The following GPR132 variants were observed in gnomAD, a reference collection of about 807,000 sequenced individuals.
GPR132 encodes probable G protein-coupled receptor 132.
In GPR132, 4 loss-of-function variants were observed where a neutral mutation model predicts 1.9. The ratio of observed to expected loss-of-function variants is 2.13; its 90% CI spans 1.05 to 4.87. The LOEUF (loss-of-function observed/expected upper bound fraction) is 4.87, where lower values mean the gene tolerates loss of function less well. Ranked by LOEUF, GPR132 falls within the 30% of genes most tolerant of loss-of-function variation. The pLI is 0.01. For synonymous variants in GPR132, 233 were observed against 234.2 expected (o/e 0.99, Z 0.05); for missense variants, 404 against 512.5 (o/e 0.79, Z 2.04).
chr14:105,056,691 G>A lies in GPR132; in HGVS notation c.-747+476C>T, dbSNP rs1009470362. On this transcript the variant is annotated intron_variant, in intron 2 of 3. Transcript: ENST00000329797. The surrounding 1 kb of genome is among the most constrained non-coding windows in gnomAD (Gnocchi z 6.0). ...ACCTTCACCTCTGGACACCAGGTCC[G>A]TGGTGTCTGTGGCTCTGTGCCCATC... 4.6e-5 allele frequency among the ~76,000 whole-genome samples: 7 copies of A among 152,220 alleles called. No individual in the cohort carries two copies. Among genetic ancestry groups the A allele is most frequent in the African/African-American group, 1.2e-4 (5 of 41,454 alleles).
chr14:105,063,179 C>T lies in GPR132; in HGVS notation c.-861+2200G>A, dbSNP rs538681154. ...CAAGAAATCCGCCGGCCTCGGTCTC[C>T]GAAAGTGCTGGGAATACAGGCGTGA... On this transcript the variant is annotated intron_variant, in intron 1 of 3. Transcript: ENST00000329797. Among the ~76,000 whole-genome samples the T allele has an allele frequency of 2.8e-4, 43 of 152,280 alleles. 1 individual carries two copies. In the East Asian group the frequency reaches 7.7e-3, roughly 27 times the overall value.
rs939363734 is a variant in GPR132, at chr14:105,060,309, G to A, written c.-860-3029C>T. On this transcript the variant is annotated intron_variant, in intron 1 of 3. Transcript: ENST00000329797. The surrounding 1 kb of genome is among the most constrained non-coding windows in gnomAD (Gnocchi z 6.3). ...TCAGTAGGTGAGGAAGCAGTGAGCC[G>A]GAACCAGGAGGGCCAAGGAAGGCAG... Among the ~76,000 whole-genome samples the A allele has an allele frequency of 5.9e-5, 9 of 152,206 alleles. No individual in the cohort carries two copies. The highest frequency in any genetic ancestry group is 2.6e-4 in the Admixed American group (4 of 15,282).
chr14:105,053,484 G>C (rs949542110), intron 3 of GPR132, among the ~76,000 whole-genome samples: 47 of 152,106 alleles, frequency 3.1e-4, no homozygotes, highest in African/African-American at 1.1e-3. Flanking sequence ...CCACATATTT[G>C]CCTGTGTGAA....
Position 105,051,679 on chromosome 14 carries a change from C to T in GPR132, c.458G>A (p.Arg153His), listed in dbSNP as rs758777311. Residue 153 changes from arginine (R) to histidine (H), a missense_variant, in exon 4 of 4, where the codon CGC becomes CAC. Arg to His is a conservative substitution (Grantham distance 29, BLOSUM62 0). Transcript: ENST00000329797. This position sits in a 1 kb window ranked among gnomAD's most constrained non-coding sequence, Gnocchi z 8.0. Reference protein sequence around the residue: ...AVVYALESRGRRRRRTAILIS... With the variant: ...AVVYALESRGHRRRRTAILIS... ...GAGGATGGCGGTCCTCCGGCGGCGG[C>T]GGCCCCGACTCTCCAGCGCGTACAC... 21 of 1,613,564 alleles carry T rather than the reference C, an allele frequency of 1.3e-5. No individual in the cohort carries two copies. In the East Asian group the frequency reaches 1.6e-4, roughly 12 times the overall value.
At position 105,051,337 on chromosome 14, in the gene GPR132, G is replaced by C. The variant is rs144646218; in HGVS notation, c.800C>G (p.Ala267Gly). The change falls in exon 4 of 4, where the codon GCT (alanine) becomes GGT (glycine). Residue 267 changes from alanine to glycine, a missense_variant. Ala to Gly is a moderately conservative substitution (Grantham distance 60, BLOSUM62 0). Coordinates refer to ENST00000329797, the MANE Select transcript of GPR132 (RefSeq NM_013345.4). This position sits in a 1 kb window ranked among gnomAD's most constrained non-coding sequence, Gnocchi z 8.0. Reference protein sequence around the residue: ...PYHLVLLVKAAAFSYYRGDRN... With the variant: ...PYHLVLLVKAGAFSYYRGDRN... The stretch of plus-strand genomic sequence containing the variant: ...GTCTCCTCTGTAGTAGGAAAAGGCA[G>C]CGGCTTTGACGAGGAGAACCAGGTG... 8.0e-5 allele frequency: 129 copies of C among 1,614,044 alleles called. No individual in the cohort carries two copies. Among genetic ancestry groups the C allele is most frequent in the East Asian group, 7.4e-4 (33 of 44,878 alleles).
chr14:105,057,511 CTTTTT>C (rs11299805), intron 1 of GPR132: 19 of 88,578 alleles, frequency 2.1e-4, no homozygotes, highest in South Asian at 1.0e-3. Flanking sequence ...ACATACGATT[CTTTTT>C]TTTTTTTTTT....
In GPR132 at chr14:105,056,881, T is replaced by A. The variant is rs558611926; in HGVS notation, c.-747+286A>T. On this transcript the variant is annotated intron_variant, in intron 2 of 3. Transcript: ENST00000329797. This position sits in a 1 kb window ranked among gnomAD's most constrained non-coding sequence, Gnocchi z 6.0. The stretch of plus-strand genomic sequence containing the variant: ...TGGCCCAGACCGTGCAGGGCTCCCC[T>A]GGGACCTGTGGGACAGCCCCCTGAC... Among the ~76,000 whole-genome samples the A allele has an allele frequency of 1.5e-3, 224 of 152,354 alleles. 2 individuals carry two copies. Among genetic ancestry groups the A allele is most frequent in the African/African-American group, 3.8e-3 (157 of 41,580 alleles).
At chr14:105,057,479 C>A in intron 1 of GPR132, 199 bp from the exon 2 acceptor site, 1 of 340,434 alleles carries the variant, frequency 2.9e-6, no homozygotes, top group Non-Finnish European at 5.4e-6. Flanking sequence ...GGCATCAAAA[C>A]GTCACATTAG....
At chr14:105,054,881 A>G (rs1330623580) in intron 3 of GPR132, among the ~76,000 whole-genome samples, 2 of 151,490 alleles carry the variant, frequency 1.3e-5, no homozygotes, top group East Asian at 3.9e-4. Flanking sequence ...CTCTACTAAA[A>G]ATACAAAAAT....
chr14:105,055,581 C>T lies in GPR132; in HGVS notation c.-161G>A. The T allele has an allele frequency of 2.9e-6, 2 of 685,676 alleles. No homozygotes were observed. Among genetic ancestry groups the T allele is most frequent in the East Asian group, 2.6e-5 (1 of 38,480 alleles). 42.5% of individuals were successfully genotyped at this position (685,676 alleles called of 1,614,324 possible). ...GCGCTGGGCTCCCCTGTCACCTCCC[C>T]ACGTGGGTGGGCATCTCTGCGTGTC... On this transcript the variant is annotated 5_prime_UTR_variant, in exon 3 of 4. Coordinates refer to ENST00000329797, the MANE Select transcript of GPR132 (RefSeq NM_013345.4). The surrounding 1 kb of genome is among the most constrained non-coding windows in gnomAD (Gnocchi z 4.7).
intron 3 of GPR132, among the ~76,000 whole-genome samples, chr14:105,054,706 C>A (rs575137809): frequency 6.7e-6 from 1 of 148,806 alleles, no homozygotes. Flanking sequence ...GCTGGGATTA[C>A]AGGTGTGAGC....
rs1307957053 is a variant in GPR132 at position 105,060,221 on chromosome 14, G to A, written c.-860-2941C>T. On this transcript the variant is annotated intron_variant, in intron 1 of 3. Coordinates refer to ENST00000329797, the MANE Select transcript of GPR132 (RefSeq NM_013345.4). The surrounding 1 kb of genome is among the most constrained non-coding windows in gnomAD (Gnocchi z 6.3). ...CGTGTGGCCCTGTCGTCTGGCTGCT[G>A]CGCCCAGCTCCAAGGCCCAGCAAGA... 6.6e-6 allele frequency among the ~76,000 whole-genome samples: 1 copy of A among 152,228 alleles called. No homozygotes were observed. Among genetic ancestry groups the A allele is most frequent in the Non-Finnish European group, 1.5e-5 (1 of 68,038 alleles).
intron 3 of GPR132, among the ~76,000 whole-genome samples, chr14:105,053,538 G>A (rs1197802628): frequency 6.6e-6 from 1 of 152,152 alleles, no homozygotes; most frequent in Non-Finnish European, 1.5e-5. Flanking sequence ...CTGTGGGAGT[G>A]GTGGATTTGT....
Position 105,051,429 on chromosome 14 carries a change from C to T in GPR132, c.708G>A (p.Gln236=). ...TGGCCGAGTGCTTCACCTTGGCCTT[C>T]TGGGCAGCGCTTAAGCCCATGCTCT... The part of the protein sequence containing the change: ...IKQSMGLSAA[Q]KAKVKHSAIA... Residue 236 remains glutamine, a synonymous_variant, in exon 4 of 4, where the codon CAG becomes CAA. Transcript: ENST00000329797. The surrounding 1 kb of genome is among the most constrained non-coding windows in gnomAD (Gnocchi z 8.0). 6.2e-7 allele frequency: 1 copy of T among 1,614,154 alleles called. No individual in the cohort carries two copies. The highest frequency in any genetic ancestry group is 8.5e-7 in the Non-Finnish European group (1 of 1,180,038).
Position 105,055,671 on chromosome 14 carries a change from G to A in GPR132, c.-251C>T. The A allele has an allele frequency of 1.9e-6, 1 of 523,940 alleles. No individual in the cohort carries two copies. Among genetic ancestry groups the A allele is most frequent in the Non-Finnish European group, 3.4e-6 (1 of 292,772 alleles). The allele number at this position is 523,940 out of a possible 1,614,324, so 32.5% of individuals were successfully genotyped here. On this transcript the variant is annotated 5_prime_UTR_variant, in exon 3 of 4. Transcript: ENST00000329797. This position sits in a 1 kb window ranked among gnomAD's most constrained non-coding sequence, Gnocchi z 4.7. ...CCACAGTGTCCTCAAGCTCCCTCCTGTTGCAGCGTGTGCCAGGATTTCCCT... is the reference window on the plus strand; with the variant it reads ...CCACAGTGTCCTCAAGCTCCCTCCTATTGCAGCGTGTGCCAGGATTTCCCT...
rs752693394 is a variant in GPR132, at chr14:105,055,464, T to C, written c.-44A>G. The C allele has an allele frequency of 2.4e-5, 19 of 779,348 alleles. No individual in the cohort carries two copies. Among genetic ancestry groups the C allele is most frequent in the Admixed American group, 3.4e-5 (2 of 58,968 alleles). The allele number at this position is 779,348 out of a possible 1,614,324, so 48.3% of individuals were successfully genotyped here. ...ATCGCCAGCATCCGTCGGCAGAACC[T>C]TCTCATCTTCCCAAACGGAGACTCT... is the stretch of plus-strand genomic sequence containing the variant. On this transcript the variant is annotated 5_prime_UTR_variant, in exon 3 of 4. Coordinates refer to ENST00000329797, the MANE Select transcript of GPR132 (RefSeq NM_013345.4). The surrounding 1 kb of genome is among the most constrained non-coding windows in gnomAD (Gnocchi z 4.7).
At chr14:105,053,977 AG>A (rs772051083) in intron 3 of GPR132, 19 of 1,236,938 alleles carry the variant, frequency 1.5e-5, no homozygotes, top group Non-Finnish European at 1.8e-5. Flanking sequence ...CTTTCCAGCC[AG>A]GGGGTTGCTA....
At chr14:105,061,299 G>A (rs1253639044) in intron 1 of GPR132, among the ~76,000 whole-genome samples, 4 of 152,230 alleles carry the variant, frequency 2.6e-5, no homozygotes, top group Admixed American at 1.3e-4. Context: ...ATTCCCTGCC[G>A]GACAGGCCCA....
At chr14:105,057,319 A>G in intron 1 of GPR132, 39 bp from the exon 2 acceptor site, 1 of 659,030 alleles carries the variant, frequency 1.5e-6, no homozygotes, top group Non-Finnish European at 2.7e-6. Context: ...TAGGGAAATC[A>G]GATTGAGTCA....
Sources: allele counts gnomAD v4.1 joint callset (sites outside exome capture counted in the v4.1 genomes callset), GRCh38; gene constraint gnomAD v4.1.1; non-coding constraint Gnocchi (gnomAD v3.1); transcripts MANE v1.5; gene names NCBI Gene and HGNC (gene_info 2026-07-23, HGNC 2026-07-21).